Variants in PTPRG observed in about 807,000 individuals in gnomAD.
The protein encoded by PTPRG is receptor-type tyrosine-protein phosphatase gamma.
Under a neutral mutation model 165.3 loss-of-function variants are expected in PTPRG, and 102 were observed. The observed-to-expected ratio is 0.62, with a 90% CI of 0.53 to 0.73. PTPRG has a LOEUF of 0.73. Among genes scored for constraint, PTPRG ranks in the 30% least tolerant of loss-of-function variants. PTPRG has a pLI of 0.00. For synonymous variants in PTPRG, 675 were observed against 669.5 expected, an observed-to-expected ratio of 1.01 and a Z score of -0.13; for missense variants, 1,866 against 1,861.4, an observed-to-expected ratio of 1.00 and a Z score of -0.05.
In PTPRG at chr3:62,271,296, G is replaced by A. The variant is rs933537968; in HGVS notation, c.3010-87G>A. On this transcript the variant is annotated intron_variant, in intron 20 of 29. Transcript: ENST00000474889. This position sits in a 1 kb window ranked among gnomAD's most constrained non-coding sequence, Gnocchi z 4.1. ...AGTGATTAGGGTGAATGTGATCAGTGGTCATGTGTCCTGACACCCTTACAT... is the reference window on the plus strand; with the variant it reads ...AGTGATTAGGGTGAATGTGATCAGTAGTCATGTGTCCTGACACCCTTACAT... 8.8e-6 allele frequency: 10 copies of A among 1,138,624 alleles called. No individual in the cohort carries two copies. The African/African-American group carries it at 1.1e-4, about 12-fold the overall frequency. The allele number at this position is 1,138,624 out of a possible 1,614,324, so 70.5% of individuals were successfully genotyped here. A position where few individuals can be genotyped will look rare whatever the true frequency, so the allele number is the denominator to read the frequency against.
chr3:62,131,046 G>A (rs962536509), intron 5 of PTPRG, among the ~76,000 whole-genome samples: 6 of 151,798 alleles, frequency 4.0e-5, no homozygotes, highest in South Asian at 2.1e-4. Flanking sequence ...CTGAATTTAC[G>A]CTCTAGACAT....
intron 1 of PTPRG, among the ~76,000 whole-genome samples, chr3:61,647,791 C>CAAAAAAGA (rs1702245091): frequency 1.1e-5 from 1 of 93,156 alleles, no homozygotes; most frequent in African/African-American, 4.4e-5. Flanking sequence ...GACTCCGTCT[C>CAAAAAAGA]AAAAAAAAAA....
chr3:61,983,962 C>T (rs947396274), intron 2 of PTPRG, among the ~76,000 whole-genome samples: 1 of 152,090 alleles, frequency 6.6e-6, no homozygotes, highest in African/African-American at 2.4e-5. Flanking sequence ...CGACCAAGTT[C>T]TTTGGGCTAA....
At chr3:61,901,913 G>T (rs993128607) in intron 2 of PTPRG, among the ~76,000 whole-genome samples, 1 of 152,188 alleles carries the variant, frequency 6.6e-6, no homozygotes, top group Non-Finnish European at 1.5e-5. Flanking sequence ...GTTTTAAAAT[G>T]ATATTACCTG....
chr3:61,919,749 A>G (rs1218295242), intron 2 of PTPRG, among the ~76,000 whole-genome samples: 1 of 152,040 alleles, frequency 6.6e-6, no homozygotes, highest in Non-Finnish European at 1.5e-5. Context: ...CTGCTTATCT[A>G]CTGTTCTACC....
At chr3:62,066,908 C>G (rs906288665) in intron 4 of PTPRG, among the ~76,000 whole-genome samples, 1 of 151,908 alleles carries the variant, frequency 6.6e-6, no homozygotes, top group East Asian at 1.9e-4. Context: ...TGTGGTGGCA[C>G]GTGCCTGTAA....
chr3:61,786,368 G>A (rs559056194), intron 2 of PTPRG, among the ~76,000 whole-genome samples: 1 of 152,252 alleles, frequency 6.6e-6, no homozygotes, highest in African/African-American at 2.4e-5. Context: ...CACATGATAC[G>A]AATAAACTTG....
At position 62,203,465 on chromosome 3, in the gene PTPRG, A is replaced by G. The variant is rs968772526; in HGVS notation, c.1670A>G (p.Glu557Gly). 6.3e-7 allele frequency: 1 copy of G among 1,584,048 alleles called. No individual in the cohort carries two copies. Among genetic ancestry groups the G allele is most frequent in the Non-Finnish European group, 8.6e-7 (1 of 1,164,256 alleles). Residue 557 changes from glutamate (E) to glycine (G), a missense_variant, in exon 12 of 30, where the codon GAG becomes GGG. This residue lies in a region of PTPRG where 1,452 missense variants were observed against 1,463.0 expected (regional missense o/e 0.99). Transcript: ENST00000474889. The surrounding 1 kb of genome is among the most constrained non-coding windows in gnomAD (Gnocchi z 6.4). ...GCTAGGCCAGTCCTAGCCACCACAG[A>G]GGCCTTGGCTTCTCCAGGGCCCGAT... ...QAARPVLATT[E>G]ALASPGPDGD...
chr3:62,031,995 A>T (rs762012550), intron 4 of PTPRG, among the ~76,000 whole-genome samples: 1 of 152,218 alleles, frequency 6.6e-6, no homozygotes, highest in Non-Finnish European at 1.5e-5. Flanking sequence ...CACAAGTCAG[A>T]ACTGGAAATA....
At chr3:62,206,569 C>T (rs940133209) in intron 12 of PTPRG, among the ~76,000 whole-genome samples, 2 of 152,104 alleles carry the variant, frequency 1.3e-5, no homozygotes. Flanking sequence ...GGAGGCCCCC[C>T]ACAGCCCTTT....
Position 62,003,397 on chromosome 3 carries a change from C to T in PTPRG, c.419C>T (p.Pro140Leu), listed in dbSNP as rs755877507. The T allele has an allele frequency of 2.5e-6, 4 of 1,614,058 alleles. No individual in the cohort carries two copies. In the East Asian group the frequency reaches 8.9e-5, roughly 36 times the overall value. Residue 140 changes from proline to leucine, a missense_variant, in exon 4 of 30, where the codon CCT becomes CTT. Around this residue, in one of 3 missense-constraint regions of PTPRG, gnomAD observed 408 missense variants for 376.2 expected, o/e 1.08. Transcript: ENST00000474889. The part of the protein sequence containing the change: ...DDYFVSGAGL[P>L]GRFKAEKVEF... ...TATTTTGTCAGTGGAGCTGGTCTAC[C>T]TGGCAGATTCAAAGCTGAGAAGGTG...
intron 2 of PTPRG, among the ~76,000 whole-genome samples, chr3:61,980,528 T>G (rs1355529131): frequency 2.0e-5 from 3 of 152,228 alleles, no homozygotes; most frequent in African/African-American, 7.2e-5. Flanking sequence ...TTGTTATTTT[T>G]ATATATTCCA....
Position 61,748,864 on chromosome 3 carries a change from T to G in PTPRG, c.86-14T>G. ...TGCTGCCTTTGTCTCATTGTGGGTT[T>G]TCCTCTCTTCCAGCGTTGACAGAAG... On this transcript the variant is annotated splice_polypyrimidine_tract_variant and intron_variant, in intron 1 of 29. Coordinates refer to ENST00000474889, the MANE Select transcript of PTPRG (RefSeq NM_002841.4). 1 of 1,610,420 alleles carries G rather than the reference T, an allele frequency of 6.2e-7. No individual in the cohort carries two copies.
At chr3:61,589,355 GAT>G (rs1363115111) in intron 1 of PTPRG, among the ~76,000 whole-genome samples, 1 of 152,134 alleles carries the variant, frequency 6.6e-6, no homozygotes, top group African/African-American at 2.4e-5. Flanking sequence ...CTTGTTGAAT[GAT>G]ATGTTCCAGG....
chr3:61,743,097 T>A, intron 1 of PTPRG: 3 of 1,527,980 alleles, frequency 2.0e-6, no homozygotes, highest in African/African-American at 1.4e-5. Flanking sequence ...TGCGAGAGAC[T>A]GCTGCTCATG....
In PTPRG at chr3:62,273,640, G is replaced by GAAT; in HGVS notation, c.3319-57_3319-55dup. On this transcript the variant is annotated intron_variant, in intron 22 of 29. Coordinates refer to ENST00000474889, the MANE Select transcript of PTPRG (RefSeq NM_002841.4). This position sits in a 1 kb window ranked among gnomAD's most constrained non-coding sequence, Gnocchi z 4.1. The stretch of plus-strand genomic sequence containing the variant: ...AGAATTAAACTAAGGTACACTTCAT[G>GAAT]AATGAGTGGCTAACCCTTAACACTC... 6.4e-7 allele frequency: 1 copy of GAAT among 1,553,034 alleles called. No individual in the cohort carries two copies. The highest frequency in any genetic ancestry group is 1.4e-5 in the African/African-American group (1 of 73,678).
intron 15 of PTPRG, among the ~76,000 whole-genome samples, chr3:62,251,995 T>A (rs1354358257): frequency 1.3e-5 from 2 of 152,200 alleles, no homozygotes; most frequent in Non-Finnish European, 2.9e-5. Flanking sequence ...TTCCTCTCAT[T>A]CTACCAGCTT....
At chr3:62,287,110 C>G (rs1702693394) in intron 28 of PTPRG, among the ~76,000 whole-genome samples, 1 of 152,072 alleles carries the variant, frequency 6.6e-6, no homozygotes, top group Admixed American at 6.6e-5. Flanking sequence ...CATGCATACT[C>G]CGTAAAAACA....
At chr3:62,160,251 A>G (rs559480553) in intron 7 of PTPRG, among the ~76,000 whole-genome samples, 1 of 152,350 alleles carries the variant, frequency 6.6e-6, no homozygotes, top group Admixed American at 6.5e-5. Context: ...AGCCTTTCAG[A>G]GTACATACAG....
Sources: gnomAD v4.1 joint callset for allele counts (sites outside exome capture counted in the v4.1 genomes callset) on GRCh38, gnomAD v4.1.1 for gene constraint, gnomAD v4.1.1 regional missense constraint, Gnocchi (gnomAD v3.1) non-coding constraint, MANE v1.5 for transcripts, NCBI Gene and HGNC (gene_info 2026-07-23, HGNC 2026-07-21) for gene names.